Variants in TBC1D2B observed in about 807,000 individuals in gnomAD.
The protein encoded by TBC1D2B is TBC1 domain family, member 2B.
A neutral mutation model predicts 100.8 loss-of-function variants in TBC1D2B; 64 were observed. The observed-to-expected ratio is 0.64, with a 90% CI of 0.52 to 0.78. The LOEUF is 0.78. Among genes scored for constraint, TBC1D2B ranks in the 30% least tolerant of loss-of-function variants. The pLI, the probability that TBC1D2B is intolerant of heterozygous loss-of-function variation, is 0.00. For missense variants in TBC1D2B, 1,052 were observed against 1,218.4 expected (o/e 0.86, Z 2.03); for synonymous variants, 480 against 479.7 (o/e 1.00, Z -0.01).
intron 1 of TBC1D2B, among the ~76,000 whole-genome samples, chr15:78,058,552 G>A (rs1191036887): frequency 6.6e-6 from 1 of 152,240 alleles, no homozygotes; most frequent in Non-Finnish European, 1.5e-5. Context: ...TGATCTGGCT[G>A]CACAGACAAC....
intron 6 of TBC1D2B, among the ~76,000 whole-genome samples, 200 bp from the exon 7 acceptor site, chr15:78,018,157 C>T (rs563072276): frequency 3.1e-4 from 47 of 152,352 alleles, no homozygotes; most frequent in African/African-American, 1.1e-3. Context: ...GGCAGGCAGG[C>T]ATGACTGCCG....
intron 6 of TBC1D2B, among the ~76,000 whole-genome samples, chr15:78,021,616 G>C (rs1432817938): frequency 6.6e-6 from 1 of 152,204 alleles, no homozygotes; most frequent in East Asian, 1.9e-4. Context: ...CATGGACCCA[G>C]GCAGGCCTCA....
intron 3 of TBC1D2B, among the ~76,000 whole-genome samples, chr15:78,043,657 A>C (rs562173147): frequency 5.3e-4 from 81 of 152,344 alleles, no homozygotes; most frequent in African/African-American, 1.9e-3. Flanking sequence ...GCATGGATGA[A>C]TCTTGAAAAT....
At chr15:78,034,616 C>T (rs957695765) in intron 3 of TBC1D2B, 2 of 984,598 alleles carry the variant, frequency 2.0e-6, no homozygotes, top group East Asian at 2.3e-4. Flanking sequence ...CTGCCACACA[C>T]CCTCCTTCCT....
At chr15:78,030,796 T>C (rs2072788888) in intron 3 of TBC1D2B, among the ~76,000 whole-genome samples, 1 of 152,164 alleles carries the variant, frequency 6.6e-6, no homozygotes, top group Admixed American at 6.5e-5. Flanking sequence ...GCATTGTTCA[T>C]ATTAGAAAAA....
intron 3 of TBC1D2B, among the ~76,000 whole-genome samples, chr15:78,038,629 CA>C (rs1475014234): frequency 6.6e-6 from 1 of 152,226 alleles, no homozygotes; most frequent in Non-Finnish European, 1.5e-5. Context: ...GTCCCTGCAA[CA>C]GGTGGACCCA....
In TBC1D2B at chr15:78,024,269, C is replaced by A. The variant is rs1443438698; in HGVS notation, c.1357G>T (p.Val453Phe). The change falls in exon 6 of 13, where the codon GTC (valine) becomes TTC (phenylalanine). Residue 453 changes from valine to phenylalanine, a missense_variant. Val to Phe is a conservative substitution (Grantham distance 50). Transcript: ENST00000300584. ...TCGCCCTCGCTGAGCTTGATGATGA[C>A]CTCGTCCTTGGCTTGGATGGTCTCC... ...LMETIQAKDE[V>F]IIKLSEGEGN... 3 of 1,614,034 alleles carry A rather than the reference C, an allele frequency of 1.9e-6. No individual in the cohort carries two copies. The highest frequency in any genetic ancestry group is 2.7e-5 in the African/African-American group (2 of 75,068).
chr15:78,034,865 G>C (rs1287577761), intron 3 of TBC1D2B: 1 of 357,998 alleles, frequency 2.8e-6, no homozygotes, highest in African/African-American at 2.2e-5. Context: ...CAACAAGGGG[G>C]TCATTACAGT....
intron 2 of TBC1D2B, among the ~76,000 whole-genome samples, chr15:78,045,703 T>C (rs940575930): frequency 3.9e-5 from 6 of 152,324 alleles, no homozygotes; most frequent in Middle Eastern, 3.4e-3. Context: ...AGGATTTACT[T>C]CAAAATAGCA....
chr15:78,058,292 T>C (rs898627796), intron 1 of TBC1D2B, among the ~76,000 whole-genome samples: 3 of 152,170 alleles, frequency 2.0e-5, no homozygotes, highest in Admixed American at 6.5e-5. Flanking sequence ...CTCAGGATTA[T>C]AACATAAGCC....
At chr15:78,012,796 T>C (rs377139465) in intron 9 of TBC1D2B, 27 bp downstream of exon 9, 1 of 1,419,116 alleles carries the variant, frequency 7.0e-7, no homozygotes, top group South Asian at 2.0e-5. Context: ...TAATGGCAAA[T>C]GGGAACATTT....
chr15:78,006,849 G>A (rs943271723), intron 10 of TBC1D2B, among the ~76,000 whole-genome samples: 1 of 152,230 alleles, frequency 6.6e-6, no homozygotes, highest in Non-Finnish European at 1.5e-5. Context: ...CATTTACTGT[G>A]TGGGGTGCCA....
intron 9 of TBC1D2B, among the ~76,000 whole-genome samples, chr15:78,011,667 T>C (rs1285427513): frequency 7.6e-6 from 1 of 131,386 alleles, no homozygotes; most frequent in Non-Finnish European, 1.6e-5. Flanking sequence ...TTTTTTTTTT[T>C]AGACAGAGTC....
At position 77,997,286 on chromosome 15, in the gene TBC1D2B, G is replaced by T. The variant is rs1448410975; in HGVS notation, c.*874C>A. ...ATCCCCTCAACCAAGGCCAGCCCAG[G>T]CGTGGGCCTGCTTTGCAATATGACG... is the stretch of plus-strand genomic sequence containing the variant. On this transcript the variant is annotated 3_prime_UTR_variant, in exon 13 of 13. Transcript: ENST00000300584. 6.6e-6 allele frequency: 1 copy of T among 152,282 alleles called. No individual in the cohort carries two copies. The highest frequency in any genetic ancestry group is 1.5e-5 in the Non-Finnish European group (1 of 68,064). 9.4% of individuals were successfully genotyped at this position (152,282 alleles called of 1,614,324 possible).
chr15:78,053,920 T>C, intron 2 of TBC1D2B, 114 bp downstream of exon 2: 2 of 1,172,020 alleles, frequency 1.7e-6, no homozygotes, highest in Non-Finnish European at 2.4e-6. Context: ...ACTCATAAGG[T>C]AGCATCATTA....
intron 1 of TBC1D2B, among the ~76,000 whole-genome samples, chr15:78,066,362 C>CCAT (rs1261300968): frequency 6.6e-6 from 1 of 152,174 alleles, no homozygotes; most frequent in Non-Finnish European, 1.5e-5. Context: ...TAGAAAGCCA[C>CCAT]CATCATACAG....
In TBC1D2B at chr15:78,055,382, C is replaced by A. The variant is rs548584945; in HGVS notation, c.361-1195G>T. 4.6e-5 allele frequency among the ~76,000 whole-genome samples: 7 copies of A among 152,044 alleles called. No homozygotes were observed. The East Asian group carries it at 1.4e-3, about 29-fold the overall frequency. On this transcript the variant is annotated intron_variant, in intron 1 of 12. Transcript: ENST00000300584. Reference sequence around the variant, plus strand: ...ACCTAAATATAAATAAACTAGACTGCAGGTATGGGTCAAGGTCTCCAGGCT... The same window carrying A: ...ACCTAAATATAAATAAACTAGACTGAAGGTATGGGTCAAGGTCTCCAGGCT...
intron 8 of TBC1D2B, among the ~76,000 whole-genome samples, chr15:78,015,294 T>C (rs1033787985): frequency 1.2e-4 from 18 of 152,254 alleles, no homozygotes; most frequent in African/African-American, 4.1e-4. Flanking sequence ...TGAAACTATA[T>C]TGGCAAAACA....
chr15:77,999,497 C>T (rs1007059656), intron 12 of TBC1D2B: 9 of 277,056 alleles, frequency 3.2e-5, no homozygotes, highest in Non-Finnish European at 1.5e-5. Flanking sequence ...CACCAGAGAA[C>T]AGAGAACGCC....
Sources: allele counts gnomAD v4.1 joint callset (sites outside exome capture counted in the v4.1 genomes callset), GRCh38; gene constraint gnomAD v4.1.1; transcripts MANE v1.5; gene names NCBI Gene and HGNC (gene_info 2026-07-23, HGNC 2026-07-21).